Variants in PROSER3 observed in about 807,000 individuals in gnomAD.
PROSER3 encodes proline and serine-rich protein 3.
A neutral mutation model predicts 50.2 loss-of-function variants in PROSER3; 33 were observed. The observed-to-expected ratio is 0.66, with a 90% CI of 0.50 to 0.88. The LOEUF (loss-of-function observed/expected upper bound fraction) is 0.88. Among genes scored for constraint, PROSER3 ranks in the 40% least tolerant of loss-of-function variants. The pLI is 0.00. For missense variants in PROSER3, 623 were observed against 612.7 expected (o/e 1.02, Z -0.18); for synonymous variants, 266 against 259.3 (o/e 1.03, Z -0.25).
chr19:35,766,510 G>A (rs1436014280), intron 7 of PROSER3, among the ~76,000 whole-genome samples: 1 of 152,152 alleles, frequency 6.6e-6, no homozygotes, highest in Non-Finnish European at 1.5e-5. Flanking sequence ...CTGCCCTCCA[G>A]CCTGGGTGAC....
chr19:35,768,034 C>CCAGGCCGCCCTGCTGCTG, exon 9 of PROSER3: 2 of 1,581,596 alleles, frequency 1.3e-6, no homozygotes, highest in Non-Finnish European at 1.7e-6. Context: ...CCCTGCTTGC[C>CCAGGCCGCCCTGCTGCTG]CAGGCCGCCC....
rs1459669603 is a variant in PROSER3 at position 35,761,944 on chromosome 19, T to C, written c.312-75T>C. 10 of 1,451,768 alleles carry C rather than the reference T, an allele frequency of 6.9e-6. No individual in the cohort carries two copies. In the African/African-American group the frequency reaches 1.3e-4, roughly 19 times the overall value. The allele number at this position is 1,451,768 out of a possible 1,614,324, so 89.9% of individuals were successfully genotyped here. A position where few individuals can be genotyped will look rare whatever the true frequency, so the allele number is the denominator to read the frequency against. The stretch of plus-strand genomic sequence containing the variant: ...GCTCTGCCATGGTGCTTGGTAAACG[T>C]TGGCTGCTATAATTATTCTTATTAT... On this transcript the variant is annotated intron_variant, in intron 3 of 10. Transcript: ENST00000396908.
chr19:35,769,268 T>TTCCAATC (rs1971273603), downstream of PROSER3: 1 of 151,680 alleles, frequency 6.6e-6, no homozygotes, highest in Non-Finnish European at 1.5e-5. Flanking sequence ...TAAATGGAGT[T>TTCCAATC]TCCAATCTTT....
chr19:35,768,591 TC>T (rs869035058), exon 11 of PROSER3: 2 of 1,516,436 alleles, frequency 1.3e-6, no homozygotes, highest in Non-Finnish European at 1.8e-6. Context: ...TTTTTTTTTT[TC>T]ATACAGTTAC....
intron 3 of PROSER3, among the ~76,000 whole-genome samples, chr19:35,760,813 C>T (rs944908815): frequency 2.0e-5 from 3 of 152,128 alleles, no homozygotes; most frequent in African/African-American, 7.2e-5. Context: ...AGTACACATC[C>T]CCTAGGGCTG....
downstream of PROSER3, chr19:35,769,306 C>CTTT (rs35628507): frequency 8.1e-3 from 1,081 of 134,016 alleles, 36 homozygotes; most frequent in East Asian, 0.1. Flanking sequence ...TCCCCAGCTT[C>CTTT]TTTTTTTTTT....
chr19:35,767,837 G>C (rs752077583), exon 9 of PROSER3: 3 of 1,613,094 alleles, frequency 1.9e-6, no homozygotes, highest in African/African-American at 1.3e-5. Context: ...CTTGCCGCCC[G>C]CAGCGGGGTC....
At chr19:35,762,518 G>T in intron 5 of PROSER3, 162 bp downstream of exon 5, 1 of 522,574 alleles carries the variant, frequency 1.9e-6, no homozygotes. Context: ...AGACCAGCTT[G>T]GGTGACATGG....
intron 7 of PROSER3, 60 bp downstream of exon 7, chr19:35,765,236 G>T (rs1244175264): frequency 6.4e-7 from 1 of 1,557,108 alleles, no homozygotes; most frequent in East Asian, 2.3e-5. Context: ...CTCTGCCACT[G>T]ACCAGCTATG....
In PROSER3 at chr19:35,768,417, CG is replaced by C; in HGVS notation, c.1316del (p.Arg439HisfsTer30). The C allele has an allele frequency of 6.3e-7, 1 of 1,596,872 alleles. No homozygotes were observed. ...GCCTTTCTCCAGGGAAGCGGATGCCCGATTATCGTTCCTGTTGGACCAGGCT... is the reference window on the plus strand; with the variant it reads ...GCCTTTCTCCAGGGAAGCGGATGCCCATTATCGTTCCTGTTGGACCAGGCT... On this transcript the variant is annotated frameshift_variant, in exon 11 of 11. Coordinates refer to ENST00000396908, the Ensembl canonical transcript of PROSER3. LOFTEE classifies it low-confidence loss of function (END_TRUNC).
chr19:35,759,921 A>G, exon 3 of PROSER3: 1 of 1,606,026 alleles, frequency 6.2e-7, no homozygotes. Context: ...CCTGCCCAGC[A>G]CCACTGAGGG....
chr19:35,760,642 C>T (rs1478215255), intron 3 of PROSER3, among the ~76,000 whole-genome samples: 1 of 152,106 alleles, frequency 6.6e-6, no homozygotes, highest in South Asian at 2.1e-4. Context: ...CCCACCACCA[C>T]ACCTGGTTAA....
At chr19:35,759,128 C>T (rs1013943178) in intron 1 of PROSER3, 4 of 489,732 alleles carry the variant, frequency 8.2e-6, no homozygotes, top group African/African-American at 7.8e-5. Flanking sequence ...AGACTGGATC[C>T]AGGGTTGAGA....
At chr19:35,766,859 G>A (rs1971157695) in exon 8 of PROSER3, 7 of 1,551,820 alleles carry the variant, frequency 4.5e-6, no homozygotes, top group South Asian at 2.4e-5. Flanking sequence ...ATGACATTCT[G>A]TACCAGTGGC....
At chr19:35,768,020 G>A (rs1263835076) in exon 9 of PROSER3, 2 of 1,585,306 alleles carry the variant, frequency 1.3e-6, no homozygotes, top group Non-Finnish European at 1.7e-6. Flanking sequence ...CGCCCCCTCG[G>A]AGGCCCTGCT....
chr19:35,758,479 A>C, intron 1 of PROSER3: 2 of 414,722 alleles, frequency 4.8e-6, no homozygotes, highest in Non-Finnish European at 8.5e-6. Context: ...GGTGTCCAAG[A>C]AAGGCTTGAG....
chr19:35,759,837 A>C (rs1205957023), exon 3 of PROSER3: 1 of 1,575,726 alleles, frequency 6.3e-7, no homozygotes, highest in East Asian at 2.4e-5. Flanking sequence ...ACAAGCTCCC[A>C]AGGCTCTAGC....
At position 35,760,004 on chromosome 19, in the gene PROSER3, AGCCCTGGGGG is replaced by A; in HGVS notation, c.311+14_311+23del. 1 of 1,555,776 alleles carries A rather than the reference AGCCCTGGGGG, an allele frequency of 6.4e-7. No individual in the cohort carries two copies. Among genetic ancestry groups the A allele is most frequent in the Non-Finnish European group, 8.7e-7 (1 of 1,151,434 alleles). ...CCGTGGTGGCCAAGTAAGTACCAGC[AGCCCTGGGGG>A]AAAAAGAGGCTTTGGGTTAGAGGGA... On this transcript the variant is annotated intron_variant, in intron 3 of 10. Transcript: ENST00000396908.
chr19:35,765,016 C>T lies in PROSER3; in HGVS notation c.627-18C>T, dbSNP rs776851812. 6.2e-7 allele frequency: 1 copy of T among 1,613,200 alleles called. No homozygotes were observed. Among genetic ancestry groups the T allele is most frequent in the Non-Finnish European group, 8.5e-7 (1 of 1,179,486 alleles). ...GTCTCGAGACCTCCATTGCCTCACTCCTGCCTTCTCCCTGCAGCAAAGCCT... is the reference window on the plus strand; with the variant it reads ...GTCTCGAGACCTCCATTGCCTCACTTCTGCCTTCTCCCTGCAGCAAAGCCT... On this transcript the variant is annotated intron_variant, in intron 6 of 10. Coordinates refer to ENST00000396908, the Ensembl canonical transcript of PROSER3.
Sources: gnomAD v4.1 joint callset for allele counts (sites outside exome capture counted in the v4.1 genomes callset) on GRCh38, gnomAD v4.1.1 for gene constraint, MANE v1.5 for transcripts, NCBI Gene and HGNC (gene_info 2026-07-23, HGNC 2026-07-21) for gene names.